The following AARSD1 variants were observed in gnomAD, a reference collection of about 807,000 sequenced individuals.
AARSD1 encodes alanyl-tRNA editing protein Aarsd1.
AARSD1 carries 44 observed loss-of-function variants against 48.7 expected under a neutral mutation model. The observed-to-expected ratio is 0.90, with a 90% CI of 0.71 to 1.16. AARSD1 has a LOEUF of 1.16. Among genes scored for constraint, AARSD1 ranks in the 50% most tolerant of loss-of-function variants. The pLI is 0.00. For synonymous variants in AARSD1, 189 were observed against 194.9 expected (o/e 0.97, Z 0.25); for missense variants, 511 against 523.1 (o/e 0.98, Z 0.23).
In AARSD1 at chr17:42,950,586, T is replaced by C; in HGVS notation, c.*7A>G. 1 of 1,605,390 alleles carries C rather than the reference T, an allele frequency of 6.2e-7. No individual in the cohort carries two copies. The highest frequency in any genetic ancestry group is 8.5e-7 in the Non-Finnish European group (1 of 1,175,000). ...CTGTGGAAACAGGAGGTGAGTGCCC[T>C]AAGCCCTCACTCCTTAGCACTCTGC... On this transcript the variant is annotated 3_prime_UTR_variant, in exon 12 of 12. Coordinates refer to ENST00000427569, the MANE Select transcript of AARSD1 (RefSeq NM_001261434.2).
In AARSD1 at chr17:42,964,449, G is replaced by A; in HGVS notation, c.-9C>T. 2 of 1,550,732 alleles carry A rather than the reference G, an allele frequency of 1.3e-6. No homozygotes were observed. Among genetic ancestry groups the A allele is most frequent in the Non-Finnish European group, 1.7e-6 (2 of 1,147,028 alleles). On this transcript the variant is annotated 5_prime_UTR_variant, in exon 1 of 12. Coordinates refer to ENST00000427569, the MANE Select transcript of AARSD1 (RefSeq NM_001261434.2). ...TGACACCAGAACGCCATACCTGCAG[G>A]CGTGTGAGGAGGCGCACGCGCAGAG...
chr17:42,959,389 T>C (rs2049601421), intron 3 of AARSD1, among the ~76,000 whole-genome samples: 2 of 151,452 alleles, frequency 1.3e-5, no homozygotes, highest in Admixed American at 1.3e-4. Flanking sequence ...CTAATTTTTG[T>C]GTTTTTAGTA....
At chr17:42,957,545 AC>A (rs2151941858) in intron 3 of AARSD1, 1 of 135,260 alleles carries the variant, frequency 7.4e-6, no homozygotes, top group East Asian at 2.2e-4. Context: ...GCAGGGGCTC[AC>A]TGCAGCCTCC....
At chr17:42,957,603 T>C in intron 3 of AARSD1, 1 of 155,040 alleles carries the variant, frequency 6.4e-6, no homozygotes, top group South Asian at 1.9e-4. Context: ...CCTGAGTTGC[T>C]GGGATTATAG....
intron 2 of AARSD1, 76 bp from the exon 3 acceptor site, chr17:42,961,427 G>A (rs1451378872): frequency 6.3e-7 from 1 of 1,594,370 alleles, no homozygotes; most frequent in African/African-American, 1.4e-5. Context: ...ACCCTCTAGG[G>A]TGAGAGACCC....
Position 42,956,227 on chromosome 17 carries a change from C to A in AARSD1, c.640G>T (p.Val214Leu). The stretch of plus-strand genomic sequence containing the variant: ...ACCTGAAGGTCACTGAGATTGCTCA[C>A]ATGGGTCCCACAGCACATGTTGGAA... Reference protein sequence around the residue: ...VDSNMCCGTHVSNLSDLQVIK... With the variant: ...VDSNMCCGTHLSNLSDLQVIK... The change falls in exon 6 of 12, where the codon GTG becomes TTG. Residue 214 changes from valine (V) to leucine (L), a missense_variant. Val to Leu is a conservative substitution (Grantham distance 32, BLOSUM62 1). Transcript: ENST00000427569. 6.2e-7 allele frequency: 1 copy of A among 1,614,160 alleles called. No individual in the cohort carries two copies. The highest frequency in any genetic ancestry group is 8.5e-7 in the Non-Finnish European group (1 of 1,180,044).
In AARSD1 at chr17:42,956,478, C is replaced by T. The variant is rs11551330; in HGVS notation, c.472G>A (p.Val158Ile). 29 of 1,613,912 alleles carry T rather than the reference C, an allele frequency of 1.8e-5. No homozygotes were observed. Among genetic ancestry groups the T allele is most frequent in the South Asian group, 1.6e-4 (15 of 91,084 alleles). The change falls in exon 5 of 12, where the codon GTC becomes ATC. Residue 158 changes from valine to isoleucine, a missense_variant. By Grantham distance (29) the Val-to-Ile change is conservative. Coordinates refer to ENST00000427569, the MANE Select transcript of AARSD1 (RefSeq NM_001261434.2). ...AEQVAAIEQS[V>I]NEKIRDRLPV... is the part of the protein sequence containing the mutation. ...AGCCGATCTCTGATTTTTTCATTGA[C>T]GCTCTGCTCAATGGCAGCTACTTGC...
Position 42,956,403 on chromosome 17 carries a change from C to T in AARSD1, c.546+1G>A, listed in dbSNP as rs779157451. 1.2e-6 allele frequency: 2 copies of T among 1,614,080 alleles called. No individual in the cohort carries two copies. The highest frequency in any genetic ancestry group is 2.2e-5 in the East Asian group (1 of 44,880). ...AACCATCCCTCTGGCTCTACCCTTA[C>T]CTGCTCCACCTCAGGATCATCCAGG... On this transcript the variant is annotated splice_donor_variant, in intron 5 of 11. Coordinates refer to ENST00000427569, the MANE Select transcript of AARSD1 (RefSeq NM_001261434.2). LOFTEE classifies it high-confidence loss of function.
At chr17:42,959,992 T>A (rs1286073813) in intron 3 of AARSD1, among the ~76,000 whole-genome samples, 1 of 151,548 alleles carries the variant, frequency 6.6e-6, no homozygotes, top group Non-Finnish European at 1.5e-5. Flanking sequence ...ATTGTTCAGC[T>A]GGGCGCAGTG....
At chr17:42,956,965 C>A (rs2049565030) in intron 4 of AARSD1, among the ~76,000 whole-genome samples, 173 bp downstream of exon 4, 1 of 51,174 alleles carries the variant, frequency 2.0e-5, no homozygotes. Flanking sequence ...CTGCGCCTGG[C>A]CTTTTTTTTT....
chr17:42,963,977 A>C, intron 2 of AARSD1, 129 bp downstream of exon 2: 1 of 1,482,714 alleles, frequency 6.7e-7, no homozygotes, highest in Non-Finnish European at 9.0e-7. Flanking sequence ...TACTCATTAA[A>C]TGAATAACAA....
At chr17:42,961,460 G>C in intron 2 of AARSD1, 109 bp from the exon 3 acceptor site, 1 of 1,503,546 alleles carries the variant, frequency 6.7e-7, no homozygotes. Flanking sequence ...CCCTAAGGGA[G>C]AGGGAGAAAG....
intron 9 of AARSD1, among the ~76,000 whole-genome samples, chr17:42,954,443 T>TA (rs1321728162): frequency 1.7e-4 from 26 of 150,902 alleles, no homozygotes; most frequent in Middle Eastern, 3.4e-3. Flanking sequence ...TTTTTTTTTT[T>TA]ATATTTTTGA....
At position 42,955,900 on chromosome 17, in the gene AARSD1, C is replaced by G. The variant is rs2049543207; in HGVS notation, c.736G>C (p.Val246Leu). The G allele has an allele frequency of 1.9e-6, 3 of 1,614,124 alleles. No homozygotes were observed. The highest frequency in any genetic ancestry group is 4.5e-5 in the East Asian group (2 of 44,874). The change falls in exon 7 of 12, where the codon GTG (valine) becomes CTG (leucine). Residue 246 changes from valine to leucine, a missense_variant. Coordinates refer to ENST00000427569, the MANE Select transcript of AARSD1 (RefSeq NM_001261434.2). ...TGACTTCTCTCCATCCACTTCAGCA[C>G]CCGGTTCCCAGACAGAAATATCAGG... ...TNLIFLSGNR[V>L]LKWMERSHGT...
At chr17:42,963,410 A>G (rs766733397) in intron 2 of AARSD1, among the ~76,000 whole-genome samples, 4 of 151,716 alleles carry the variant, frequency 2.6e-5, no homozygotes, top group Non-Finnish European at 4.4e-5. Context: ...CTCAAAAAAA[A>G]AAAGAAAGAA....
chr17:42,959,984 T>C (rs1357280655), intron 3 of AARSD1, among the ~76,000 whole-genome samples: 2 of 151,944 alleles, frequency 1.3e-5, no homozygotes, highest in African/African-American at 4.8e-5. Flanking sequence ...TTTTTAAGAT[T>C]GTTCAGCTGG....
intron 3 of AARSD1, 101 bp downstream of exon 3, chr17:42,961,091 A>G (rs2049629890): frequency 1.4e-6 from 2 of 1,459,546 alleles, no homozygotes; most frequent in Non-Finnish European, 1.8e-6. Context: ...TGTCTTTTCC[A>G]AAAGGTTAAC....
chr17:42,958,088 G>C (rs1470733346), intron 3 of AARSD1, among the ~76,000 whole-genome samples: 1 of 152,192 alleles, frequency 6.6e-6, no homozygotes, highest in East Asian at 1.9e-4. Context: ...TACAGCAGTA[G>C]ACAAGAGCCA....
chr17:42,955,295 T>C, intron 7 of AARSD1, 71 bp from the exon 8 acceptor site: 1 of 1,586,952 alleles, frequency 6.3e-7, no homozygotes, highest in Admixed American at 1.8e-5. Flanking sequence ...CATAAATCAA[T>C]AATTTCCTTC....
Sources: allele counts gnomAD v4.1 joint callset (sites outside exome capture counted in the v4.1 genomes callset), GRCh38; gene constraint gnomAD v4.1.1; transcripts MANE v1.5; gene names NCBI Gene and HGNC (gene_info 2026-07-23, HGNC 2026-07-21).